DPP6: variants seen among roughly 807,000 people sequenced by gnomAD.
The protein encoded by DPP6 is A-type potassium channel modulatory protein DPP6.
A neutral mutation model predicts 122.6 loss-of-function variants in DPP6; 69 were observed. The ratio of observed to expected loss-of-function variants is 0.56; its 90% CI spans 0.46 to 0.69. The LOEUF (loss-of-function observed/expected upper bound fraction) is 0.69. Among genes scored for constraint, DPP6 ranks in the 30% least tolerant of loss-of-function variants. The pLI is 0.00. For synonymous variants in DPP6, 418 were observed against 433.1 expected, an observed-to-expected ratio of 0.97 and a Z score of 0.43; for missense variants, 928 against 1,116.9, an observed-to-expected ratio of 0.83 and a Z score of 2.41.
chr7:154,875,596 GGGA>G lies in DPP6; in HGVS notation c.1884-306_1884-304del. Among the ~76,000 whole-genome samples, 1 of 152,158 alleles carries G rather than the reference GGGA, an allele frequency of 6.6e-6. No individual in the cohort carries two copies. The highest frequency in any genetic ancestry group is 2.1e-4 in the South Asian group (1 of 4,806). On this transcript the variant is annotated intron_variant, in intron 19 of 25. Transcript: ENST00000377770. This position sits in a 1 kb window ranked among gnomAD's most constrained non-coding sequence, Gnocchi z 4.5. The stretch of plus-strand genomic sequence containing the variant: ...GGGAAGGTCCCCGCAGGGAGAAGGT[GGGA>G]GGATTTGTATTGTTTCCCTCACCAA...
intron 1 of DPP6, among the ~76,000 whole-genome samples, chr7:153,945,245 TC>T (rs1323832743): frequency 2.0e-5 from 3 of 152,208 alleles, no homozygotes; most frequent in African/African-American, 7.2e-5. Context: ...TGCTTTCTTC[TC>T]TTTTTGTATT....
intron 7 of DPP6, among the ~76,000 whole-genome samples, chr7:154,681,677 C>A (rs1586879394): frequency 6.6e-6 from 1 of 152,214 alleles, no homozygotes; most frequent in Non-Finnish European, 1.5e-5. Context: ...TTGTGGAATT[C>A]TCCCGTTTGG....
intron 1 of DPP6, among the ~76,000 whole-genome samples, chr7:154,187,310 C>T (rs1798397254): frequency 6.6e-6 from 1 of 152,048 alleles, no homozygotes; most frequent in African/African-American, 2.4e-5. Flanking sequence ...TTAAACAAAC[C>T]CAAGACCATT....
chr7:154,697,576 G>T (rs1344179866), intron 7 of DPP6, among the ~76,000 whole-genome samples: 4 of 152,228 alleles, frequency 2.6e-5, no homozygotes, highest in Non-Finnish European at 5.9e-5. Context: ...GGTCTGTTTG[G>T]CAGAGGTCAC....
At chr7:154,756,124 C>T (rs552369864) in intron 8 of DPP6, among the ~76,000 whole-genome samples, 2 of 152,330 alleles carry the variant, frequency 1.3e-5, no homozygotes, top group South Asian at 4.1e-4. Flanking sequence ...TTTTTCTCTT[C>T]TCCAACTTCC....
intron 1 of DPP6, among the ~76,000 whole-genome samples, chr7:154,230,522 C>G (rs1404411350): frequency 6.6e-6 from 1 of 152,188 alleles, no homozygotes; most frequent in African/African-American, 2.4e-5. Context: ...TGGGTCATAG[C>G]CCATGAGAGC....
intron 1 of DPP6, among the ~76,000 whole-genome samples, chr7:154,091,708 TC>T: frequency 6.6e-6 from 1 of 151,712 alleles, no homozygotes; most frequent in Middle Eastern, 3.4e-3. Context: ...CACCTCCTCT[TC>T]CCCCCCTCAC....
chr7:154,883,742 AAC>A (rs1805721098), intron 21 of DPP6: 1 of 132,526 alleles, frequency 7.5e-6, no homozygotes, highest in Non-Finnish European at 1.6e-5. Flanking sequence ...CATGCTCACA[AAC>A]ACGACTACAT....
At chr7:154,549,620 A>G (rs1829479687) in intron 4 of DPP6, among the ~76,000 whole-genome samples, 1 of 152,178 alleles carries the variant, frequency 6.6e-6, no homozygotes, top group African/African-American at 2.4e-5. Flanking sequence ...ACAACTAACC[A>G]TGGAAGCATT....
intron 5 of DPP6, among the ~76,000 whole-genome samples, chr7:154,623,621 G>A (rs937536500): frequency 4.1e-5 from 6 of 144,886 alleles, no homozygotes; most frequent in South Asian, 2.2e-4. Flanking sequence ...GCACGTACAC[G>A]CGCACACATG....
chr7:154,493,564 A>G lies in DPP6; in HGVS notation c.457+18527A>G, dbSNP rs1054936574. Among the ~76,000 whole-genome samples the G allele has an allele frequency of 1.3e-5, 2 of 151,794 alleles. 1 individual carries two copies. Among genetic ancestry groups the G allele is most frequent in the Admixed American group, 1.3e-4 (2 of 15,202 alleles). On this transcript the variant is annotated intron_variant, in intron 3 of 25. Transcript: ENST00000377770. ...ATTTATTTTTATGTTTTGAATGCCT[A>G]AAGAGAGAAAATAGTTATTGTATGA...
chr7:154,003,225 C>T (rs923824530), intron 1 of DPP6, among the ~76,000 whole-genome samples: 7 of 152,144 alleles, frequency 4.6e-5, no homozygotes, highest in African/African-American at 1.4e-4. Context: ...CGCAGAACTC[C>T]TTACGAAGCA....
chr7:154,720,743 A>G (rs952626888), intron 7 of DPP6, among the ~76,000 whole-genome samples: 1 of 152,358 alleles, frequency 6.6e-6, no homozygotes, highest in East Asian at 1.9e-4. Flanking sequence ...CCACAGGGCA[A>G]AGGCCATCCT....
chr7:154,118,673 C>A (rs79667938), intron 1 of DPP6, among the ~76,000 whole-genome samples: 1 of 146,406 alleles, frequency 6.8e-6, no homozygotes. Flanking sequence ...TCATACAAAC[C>A]AAACGTGTAC....
intron 5 of DPP6, among the ~76,000 whole-genome samples, chr7:154,594,627 A>G (rs947773174): frequency 1.5e-4 from 23 of 152,120 alleles, no homozygotes; most frequent in African/African-American, 5.3e-4. Flanking sequence ...TTAACTTCTT[A>G]GTATACATAC....
At chr7:153,899,642 A>G (rs1225613996) in intron 1 of DPP6, among the ~76,000 whole-genome samples, 5 of 152,218 alleles carry the variant, frequency 3.3e-5, no homozygotes, top group Admixed American at 6.5e-5. Flanking sequence ...CAAACACAAT[A>G]GTTTAATATA....
chr7:154,723,498 A>G (rs1841923212), intron 7 of DPP6, among the ~76,000 whole-genome samples: 1 of 152,104 alleles, frequency 6.6e-6, no homozygotes, highest in African/African-American at 2.4e-5. Context: ...ACTTAGTAAT[A>G]CATCTTACCC....
At chr7:154,286,559 C>G (rs1337120170) in intron 1 of DPP6, among the ~76,000 whole-genome samples, 1 of 152,120 alleles carries the variant, frequency 6.6e-6, no homozygotes, top group East Asian at 1.9e-4. Flanking sequence ...ATTGAGAAGA[C>G]CTGAATTTTA....
At chr7:154,425,198 G>A (rs1817783813) in intron 1 of DPP6, among the ~76,000 whole-genome samples, 1 of 152,062 alleles carries the variant, frequency 6.6e-6, no homozygotes, top group Non-Finnish European at 1.5e-5. Flanking sequence ...ACAGGATTGG[G>A]TATGGATTTT....
Sources: gnomAD v4.1 joint callset for allele counts (sites outside exome capture counted in the v4.1 genomes callset) on GRCh38, gnomAD v4.1.1 for gene constraint, Gnocchi (gnomAD v3.1) non-coding constraint, MANE v1.5 for transcripts, NCBI Gene and HGNC (gene_info 2026-07-23, HGNC 2026-07-21) for gene names.